SERPINB11: variants seen among roughly 807,000 people sequenced by gnomAD.
The protein encoded by SERPINB11 is serpin B11.
A neutral mutation model predicts 36.7 loss-of-function variants in SERPINB11; 32 were observed. The ratio of observed to expected loss-of-function variants is 0.87; its 90% CI spans 0.66 to 1.17. The LOEUF is 1.17. Ranked by LOEUF, SERPINB11 falls within the 50% of genes most tolerant of loss-of-function variation. The pLI is 0.00. For synonymous variants in SERPINB11, 174 were observed against 168.1 expected, an observed-to-expected ratio of 1.04 and a Z score of -0.27; for missense variants, 528 against 458.4, an observed-to-expected ratio of 1.15 and a Z score of -1.39.
chr18:63,711,235 A>T, intron 2 of SERPINB11, 100 bp from the exon 3 acceptor site: 1 of 819,646 alleles, frequency 1.2e-6, no homozygotes, highest in Non-Finnish European at 2.0e-6. Flanking sequence ...ATCACTACTG[A>T]TCTTGATCTA....
intron 4 of SERPINB11, among the ~76,000 whole-genome samples, chr18:63,715,615 C>T (rs1375278900): frequency 6.6e-6 from 1 of 152,136 alleles, no homozygotes; most frequent in African/African-American, 2.4e-5. Flanking sequence ...GAGCAACCTT[C>T]TGTTAGACCT....
rs1914325350 is a variant in SERPINB11, at chr18:63,704,698, G to C, written c.-16+1692G>C. On this transcript the variant is annotated intron_variant, in intron 1 of 7. Transcript: ENST00000544088. ...TCTTGGTACTATGAGTTCAATGCTT[G>C]AAGAGCTGTAAGATCCAACTGTGAA... Among the ~76,000 whole-genome samples the C allele has an allele frequency of 2.6e-5, 4 of 152,326 alleles. No individual in the cohort carries two copies. The South Asian group carries it at 8.3e-4, about 32-fold the overall frequency.
In SERPINB11 at chr18:63,712,594, G is replaced by A. The variant is rs986660921; in HGVS notation, c.258G>A (p.Glu86=). ...GCCAAGCTGGAAGAATTCATTCCGA[G>A]TTTGGTGTCGAATTCTCTCAAATCA... ...KCSQAGRIHS[E]FGVEFSQINQ... The change falls in exon 4 of 8, where the codon GAG becomes GAA. Residue 86 remains glutamate (E), a synonymous_variant. Transcript: ENST00000544088. 5.0e-6 allele frequency: 8 copies of A among 1,613,772 alleles called. No individual in the cohort carries two copies. The highest frequency in any genetic ancestry group is 5.9e-6 in the Non-Finnish European group (7 of 1,179,714).
chr18:63,708,146 G>A (rs757819467), intron 1 of SERPINB11, among the ~76,000 whole-genome samples: 1 of 152,204 alleles, frequency 6.6e-6, no homozygotes, highest in Non-Finnish European at 1.5e-5. Flanking sequence ...GTGAGCTTGG[G>A]GGAGAGTGGT....
intron 7 of SERPINB11, 136 bp from the exon 8 acceptor site, chr18:63,722,859 G>A: frequency 1.2e-6 from 1 of 832,560 alleles, no homozygotes; most frequent in South Asian, 2.4e-5. Context: ...TTTGTTCCCA[G>A]GTAAGTAGAC....
intron 7 of SERPINB11, 29 bp from the exon 8 acceptor site, chr18:63,722,966 T>C (rs773493936): frequency 2.6e-6 from 4 of 1,529,552 alleles, no homozygotes; most frequent in African/African-American, 2.8e-5. Flanking sequence ...GTTTGACTCA[T>C]GTGGGCTTGT....
chr18:63,719,935 C>G (rs1914759340), intron 5 of SERPINB11, 78 bp from the exon 6 acceptor site: 1 of 1,211,920 alleles, frequency 8.3e-7, no homozygotes, highest in Admixed American at 2.6e-5. Context: ...AGAAATGGCT[C>G]TAAATTTCTC....
intron 1 of SERPINB11, among the ~76,000 whole-genome samples, chr18:63,709,757 G>A (rs1031718501): frequency 1.3e-5 from 2 of 152,180 alleles, no homozygotes; most frequent in African/African-American, 4.8e-5. Flanking sequence ...GCAAAAGCGG[G>A]TAGTCTAGTG....
At chr18:63,722,565 AG>A (rs1914841709) in intron 7 of SERPINB11, among the ~76,000 whole-genome samples, 1 of 152,162 alleles carries the variant, frequency 6.6e-6, no homozygotes, top group African/African-American at 2.4e-5. Flanking sequence ...AAGCTATCAG[AG>A]TGCATGGGGA....
chr18:63,721,596 A>G (rs1443322159), intron 7 of SERPINB11, among the ~76,000 whole-genome samples: 1 of 152,198 alleles, frequency 6.6e-6, no homozygotes, highest in Admixed American at 6.5e-5. Flanking sequence ...ATAGCCTAAC[A>G]GTTAGGGGCT....
chr18:63,709,319 A>G (rs1914452663), intron 1 of SERPINB11, among the ~76,000 whole-genome samples: 1 of 152,168 alleles, frequency 6.6e-6, no homozygotes, highest in African/African-American at 2.4e-5. Flanking sequence ...GGAGATAAAA[A>G]TGTGCTGGAA....
At chr18:63,719,950 C>T (rs1306263989) in intron 5 of SERPINB11, 63 bp from the exon 6 acceptor site, 1 of 1,359,104 alleles carries the variant, frequency 7.4e-7, no homozygotes, top group Non-Finnish European at 1.0e-6. Context: ...TTTCTCATGA[C>T]TCTTCACCTC....
Position 63,721,793 on chromosome 18 carries a change from G to A in SERPINB11, c.774+807G>A, listed in dbSNP as rs535854684. On this transcript the variant is annotated intron_variant, in intron 7 of 7. Coordinates refer to ENST00000544088, the MANE Select transcript of SERPINB11 (RefSeq NM_001370475.1). ...CGTACGCATTTGGATTAAGAAGTGAGACGGGTGCCAACTGAAAAGGAGCTG... is the reference window on the plus strand; with the variant it reads ...CGTACGCATTTGGATTAAGAAGTGAAACGGGTGCCAACTGAAAAGGAGCTG... Among the ~76,000 whole-genome samples, 7 of 152,274 alleles carry A rather than the reference G, an allele frequency of 4.6e-5. No homozygotes were observed. In the South Asian group the frequency reaches 1.5e-3, roughly 32 times the overall value.
chr18:63,703,527 C>T (rs562322814), intron 1 of SERPINB11, among the ~76,000 whole-genome samples: 1 of 152,134 alleles, frequency 6.6e-6, no homozygotes, highest in Non-Finnish European at 1.5e-5. Flanking sequence ...TTTATGTGAA[C>T]ATTCTGAAAT....
At chr18:63,716,868 T>G (rs1914682475) in intron 5 of SERPINB11, among the ~76,000 whole-genome samples, 1 of 152,080 alleles carries the variant, frequency 6.6e-6, no homozygotes, top group South Asian at 2.1e-4. Context: ...CCTTAAATCT[T>G]GATTTTAAAA....
chr18:63,716,214 A>G (rs1914664798), intron 5 of SERPINB11, 62 bp downstream of exon 5: 2 of 1,058,630 alleles, frequency 1.9e-6, no homozygotes, highest in Non-Finnish European at 1.4e-6. Flanking sequence ...ACCTGAGTCC[A>G]CTTGCTAAAG....
At chr18:63,720,330 T>C in intron 6 of SERPINB11, 175 bp downstream of exon 6, 2 of 611,558 alleles carry the variant, frequency 3.3e-6, no homozygotes, top group South Asian at 4.2e-5. Context: ...CAATAACTTT[T>C]ATCACAGAGC....
In SERPINB11 at chr18:63,710,265, A is replaced by G; in HGVS notation, c.72A>G (p.Ile24Met). 2 of 1,613,858 alleles carry G rather than the reference A, an allele frequency of 1.2e-6. No homozygotes were observed. The highest frequency in any genetic ancestry group is 1.7e-6 in the Non-Finnish European group (2 of 1,179,780). The change falls in exon 2 of 8, where the codon ATA (isoleucine) becomes ATG (methionine). Residue 24 changes from isoleucine (I) to methionine (M), a missense_variant. Transcript: ENST00000544088. Reference protein sequence around the residue: ...DVFKELNSNNIGDNIFFSSLS... With the variant: ...DVFKELNSNNMGDNIFFSSLS... ...TCAAAGAGCTGAACAGTAACAACAT[A>G]GGAGATAACATCTTCTTTTCTTCGC...
chr18:63,722,544 C>T (rs1166012089), intron 7 of SERPINB11, among the ~76,000 whole-genome samples: 2 of 152,072 alleles, frequency 1.3e-5, no homozygotes, highest in Non-Finnish European at 2.9e-5. Context: ...GAGAAGGGCA[C>T]GAGAGGATGA....
Sources: gnomAD v4.1 joint callset for allele counts (sites outside exome capture counted in the v4.1 genomes callset) on GRCh38, gnomAD v4.1.1 for gene constraint, MANE v1.5 for transcripts, NCBI Gene and HGNC (gene_info 2026-07-23, HGNC 2026-07-21) for gene names.